Variants in GLYATL3 observed in about 807,000 individuals in gnomAD.
GLYATL3 encodes the protein glycine-N-acyltransferase like 3.
GLYATL3 carries 31 observed loss-of-function variants against 28.5 expected under a neutral mutation model. The observed-to-expected ratio is 1.09, with a 90% CI of 0.82 to 1.47. The LOEUF (loss-of-function observed/expected upper bound fraction) is 1.47, where lower values mean the gene tolerates loss of function less well. GLYATL3 is among the 40% of genes most tolerant of loss of function. GLYATL3 has a pLI of 0.00. For synonymous variants in GLYATL3, 141 were observed against 140.2 expected (o/e 1.01, Z -0.04); for missense variants, 369 against 351.5 (o/e 1.05, Z -0.40).
intron 4 of GLYATL3, among the ~76,000 whole-genome samples, chr6:49,519,418 C>A (rs912195518): frequency 6.6e-6 from 1 of 152,276 alleles, no homozygotes; most frequent in Admixed American, 6.5e-5. Context: ...ACATTACCTT[C>A]GGCTTCTCCT....
At chr6:49,513,413 G>T (rs903822059) in intron 2 of GLYATL3, among the ~76,000 whole-genome samples, 1 of 152,052 alleles carries the variant, frequency 6.6e-6, no homozygotes, top group Non-Finnish European at 1.5e-5. Flanking sequence ...ATTTCAGTTG[G>T]TTCCAAATCC....
chr6:49,505,280 G>T (rs1280248955), intron 1 of GLYATL3, among the ~76,000 whole-genome samples: 1 of 152,206 alleles, frequency 6.6e-6, no homozygotes, highest in Non-Finnish European at 1.5e-5. Flanking sequence ...AAGGAAAATA[G>T]ATTAGTGTCA....
intron 1 of GLYATL3, among the ~76,000 whole-genome samples, chr6:49,506,424 T>C (rs1465112134): frequency 6.6e-6 from 1 of 152,202 alleles, no homozygotes. Flanking sequence ...GAGGTAAAAC[T>C]TTCCATTGAT....
Position 49,523,253 on chromosome 6 carries a change from T to A in GLYATL3, c.440+1482T>A, listed in dbSNP as rs535820861. On this transcript the variant is annotated intron_variant, in intron 5 of 5. Transcript: ENST00000371197. ...TGTGCTCAGTCCCTAAGCAATGACC[T>A]GTAATGATATGTGTAAAACGTTTCA... is the stretch of plus-strand genomic sequence containing the variant. Among the ~76,000 whole-genome samples the A allele has an allele frequency of 3.5e-3, 529 of 152,328 alleles. 7 individuals carry two copies. Among genetic ancestry groups the A allele is most frequent in the African/African-American group, 0.012 (499 of 41,568 alleles).
At chr6:49,501,241 A>G (rs1768907517) in intron 1 of GLYATL3, among the ~76,000 whole-genome samples, 1 of 140,944 alleles carries the variant, frequency 7.1e-6, no homozygotes, top group Non-Finnish European at 1.7e-5. Context: ...ATCTCTACTA[A>G]AAATATAAAA....
At chr6:49,508,739 C>G (rs1323090935) in intron 1 of GLYATL3, among the ~76,000 whole-genome samples, 1 of 152,168 alleles carries the variant, frequency 6.6e-6, no homozygotes, top group Non-Finnish European at 1.5e-5. Flanking sequence ...GCAGTCCAAC[C>G]TGGCATTGTC....
At chr6:49,503,216 T>G (rs1768945599) in intron 1 of GLYATL3, among the ~76,000 whole-genome samples, 1 of 152,216 alleles carries the variant, frequency 6.6e-6, no homozygotes, top group Non-Finnish European at 1.5e-5. Flanking sequence ...ATCTTTGAAT[T>G]GACCTTTTGA....
At chr6:49,507,127 G>A (rs950664510) in intron 1 of GLYATL3, among the ~76,000 whole-genome samples, 1 of 152,146 alleles carries the variant, frequency 6.6e-6, no homozygotes, top group Non-Finnish European at 1.5e-5. Context: ...AGAAACCAAG[G>A]AGAGATCAAA....
rs143085092 is a variant in GLYATL3 at position 49,510,900 on chromosome 6, T to C, written c.-28-1063T>C. On this transcript the variant is annotated intron_variant, in intron 1 of 5. Coordinates refer to ENST00000371197, the MANE Select transcript of GLYATL3 (RefSeq NM_001010904.2). ...CCAGAGGTTCAGGCTCACATAAACC[T>C]CATGATAGAATTTTACAGGAGATTT... Among the ~76,000 whole-genome samples the C allele has an allele frequency of 9.2e-5, 14 of 152,304 alleles. No individual in the cohort carries two copies. In the East Asian group the frequency reaches 2.7e-3, roughly 29 times the overall value.
chr6:49,512,390 C>A (rs1260815733), intron 2 of GLYATL3, among the ~76,000 whole-genome samples: 2 of 151,036 alleles, frequency 1.3e-5, no homozygotes, highest in Non-Finnish European at 2.9e-5. Flanking sequence ...CCTATCAACC[C>A]ATCATCTAGG....
chr6:49,524,840 C>T (rs1265783960), intron 5 of GLYATL3, among the ~76,000 whole-genome samples: 6 of 151,694 alleles, frequency 4.0e-5, no homozygotes, highest in Admixed American at 3.9e-4. Context: ...ATTAGCTGGG[C>T]ATGTTGGCAC....
chr6:49,517,631 A>ATTTCATATATAT, intron 4 of GLYATL3, 75 bp downstream of exon 4: 24 of 1,041,460 alleles, frequency 2.3e-5, no homozygotes, highest in South Asian at 4.0e-5. Context: ...AGTTATAGAT[A>ATTTCATATATAT]TTTCATATAT....
At chr6:49,504,978 G>C (rs540224231) in intron 1 of GLYATL3, among the ~76,000 whole-genome samples, 1 of 152,280 alleles carries the variant, frequency 6.6e-6, no homozygotes, top group Admixed American at 6.5e-5. Context: ...AAAGGCCTCG[G>C]GGATTAACTC....
At chr6:49,514,653 AG>A (rs1366247029) in intron 2 of GLYATL3, among the ~76,000 whole-genome samples, 1 of 146,892 alleles carries the variant, frequency 6.8e-6, no homozygotes, top group Admixed American at 7.1e-5. Flanking sequence ...CAACATAATG[AG>A]ACCGCATCTC....
At chr6:49,503,227 C>T (rs767518398) in intron 1 of GLYATL3, among the ~76,000 whole-genome samples, 18 of 152,244 alleles carry the variant, frequency 1.2e-4, no homozygotes, top group East Asian at 1.9e-4. Context: ...GACCTTTTGA[C>T]GATTGCCATA....
At chr6:49,526,335 C>T (rs968801028) in intron 5 of GLYATL3, among the ~76,000 whole-genome samples, 153 bp from the exon 6 acceptor site, 1 of 152,046 alleles carries the variant, frequency 6.6e-6, no homozygotes, top group Non-Finnish European at 1.5e-5. Flanking sequence ...ATTGCTTGAA[C>T]CCGGGAGGCA....
In GLYATL3 at chr6:49,526,426, T is replaced by A. The variant is rs1436883984; in HGVS notation, c.441-62T>A. 4 of 1,392,098 alleles carry A rather than the reference T, an allele frequency of 2.9e-6. No individual in the cohort carries two copies. The Admixed American group carries it at 8.7e-5, about 30-fold the overall frequency. 86.2% of individuals were successfully genotyped at this position (1,392,098 alleles called of 1,614,324 possible). A position where few individuals can be genotyped will look rare whatever the true frequency, so the allele number is the denominator to read the frequency against. ...AGACTGTGTCTCGAAAAAAAAAATGTGTAGTTATGTATAACCACATGAGTC... is the reference window on the plus strand; with the variant it reads ...AGACTGTGTCTCGAAAAAAAAAATGAGTAGTTATGTATAACCACATGAGTC... On this transcript the variant is annotated intron_variant, in intron 5 of 5. Transcript: ENST00000371197.
chr6:49,501,157 T>TG (rs1323660993), intron 1 of GLYATL3, among the ~76,000 whole-genome samples: 1 of 152,102 alleles, frequency 6.6e-6, no homozygotes, highest in African/African-American at 2.4e-5. Context: ...CCCAGCACTT[T>TG]GGGGGGCCAA....
chr6:49,502,556 T>C (rs1407955530), intron 1 of GLYATL3, among the ~76,000 whole-genome samples: 1 of 152,216 alleles, frequency 6.6e-6, no homozygotes, highest in South Asian at 2.1e-4. Context: ...GTTCTAAACT[T>C]ATAATTCTTA....
Sources: gnomAD v4.1 joint callset for allele counts (sites outside exome capture counted in the v4.1 genomes callset) on GRCh38, gnomAD v4.1.1 for gene constraint, MANE v1.5 for transcripts, NCBI Gene and HGNC (gene_info 2026-07-23, HGNC 2026-07-21) for gene names.